The following SEL1L3 variants were observed in gnomAD, a reference collection of about 807,000 sequenced individuals.
The protein encoded by SEL1L3 is protein sel-1 homolog 3.
Under a neutral mutation model 142.8 loss-of-function variants are expected in SEL1L3, and 76 were observed. That is an observed-to-expected ratio of 0.53 (90% CI 0.44 to 0.64). The LOEUF (loss-of-function observed/expected upper bound fraction) is 0.64. SEL1L3 is among the 30% of genes least tolerant of loss of function. The pLI is 0.00. For synonymous variants in SEL1L3, 504 were observed against 519.6 expected, an observed-to-expected ratio of 0.97 and a Z score of 0.41; for missense variants, 1,262 against 1,381.7, an observed-to-expected ratio of 0.91 and a Z score of 1.37.
the SEL1L3 span, among the ~76,000 whole-genome samples, chr4:25,715,805 G>GA: frequency 3.3e-5 from 5 of 150,746 alleles, no homozygotes; most frequent in African/African-American, 4.9e-5. Flanking sequence ...AGTAAAGGAA[G>GA]AAAAAAAAAC....
chr4:25,813,958 T>C (rs1714199664), intron 9 of SEL1L3, among the ~76,000 whole-genome samples: 5 of 152,178 alleles, frequency 3.3e-5, no homozygotes, highest in Admixed American at 3.3e-4. Context: ...AGTGTGTTGT[T>C]GGCTGAGATA....
rs144823534 is a variant in SEL1L3, at chr4:25,786,277, G to A, written c.2217+1947C>T. ...TGCATATGGAAAGCCCATTTTCAGC[G>A]TGGGGTTCTTTCACACAGAATACAC... On this transcript the variant is annotated intron_variant, in intron 13 of 23. Transcript: ENST00000399878. 3.3e-5 allele frequency among the ~76,000 whole-genome samples: 5 copies of A among 152,246 alleles called. No individual in the cohort carries two copies. The East Asian group carries it at 5.8e-4, about 18-fold the overall frequency.
At chr4:25,789,862 C>G (rs961048294) in intron 12 of SEL1L3, among the ~76,000 whole-genome samples, 10 of 152,156 alleles carry the variant, frequency 6.6e-5, no homozygotes, top group Non-Finnish European at 1.0e-4. Context: ...GGGTGCTTCC[C>G]CAGCCGTCTG....
Position 25,862,708 on chromosome 4 carries a change from G to A in SEL1L3, c.129C>T (p.Arg43=). 5.4e-6 allele frequency: 7 copies of A among 1,300,370 alleles called. No individual in the cohort carries two copies. The highest frequency in any genetic ancestry group is 5.9e-6 in the Non-Finnish European group (6 of 1,021,704). 80.6% of individuals were successfully genotyped at this position (1,300,370 alleles called of 1,614,324 possible). A position where few individuals can be genotyped will look rare whatever the true frequency, so the allele number is the denominator to read the frequency against. The change falls in exon 1 of 24, where the codon CGC becomes CGT. Residue 43 remains arginine, a synonymous_variant. Transcript: ENST00000399878. ...SGGVPQGLGG[R]SACALLLLCY... is the part of the protein sequence containing the mutation. ...AGAGCAGGAGCAGCGCGCAGGCAGA[G>A]CGGCCGCCGAGGCCCTGGGGGACGC...
chr4:25,789,669 T>A (rs902337291), intron 12 of SEL1L3, among the ~76,000 whole-genome samples: 1 of 151,362 alleles, frequency 6.6e-6, no homozygotes, highest in Non-Finnish European at 1.5e-5. Flanking sequence ...CTTTCCCATC[T>A]CTGGGCTTCA....
At chr4:25,831,442 A>G (rs922394847) in intron 5 of SEL1L3, among the ~76,000 whole-genome samples, 6 of 151,000 alleles carry the variant, frequency 4.0e-5, no homozygotes, top group South Asian at 4.2e-4. Flanking sequence ...ATAAAATGCT[A>G]TCTCCCTTCT....
In SEL1L3 at chr4:25,822,126, A is replaced by C; in HGVS notation, c.1160T>G (p.Phe387Cys). The C allele has an allele frequency of 6.2e-7, 1 of 1,613,940 alleles. No homozygotes were observed. Among genetic ancestry groups the C allele is most frequent in the Non-Finnish European group, 8.5e-7 (1 of 1,179,854 alleles). Residue 387 changes from phenylalanine (F) to cysteine (C), a missense_variant and splice_region_variant, in exon 7 of 24, where the codon TTC (phenylalanine) becomes TGC (cysteine). Transcript: ENST00000399878. Reference protein sequence around the residue: ...LKSYHNQTISFREDFHYNDTA... With the variant: ...LKSYHNQTISCREDFHYNDTA... ...GTCATTATAATGGAAATCCTCCCGG[A>C]AGCTAGAGAAGAGAATGAAGGATTA... is the stretch of plus-strand genomic sequence containing the variant.
Position 25,813,845 on chromosome 4 carries a change from G to A in SEL1L3, c.1564+4293C>T, listed in dbSNP as rs559458616. 1.6e-4 allele frequency among the ~76,000 whole-genome samples: 24 copies of A among 152,284 alleles called. 1 individual carries two copies. The Middle Eastern group carries it at 0.017, about 108-fold the overall frequency. On this transcript the variant is annotated intron_variant, in intron 9 of 23. Transcript: ENST00000399878. ...CAACTCAAAGGTGCTGACCTCACTGGACGGGAATGTGGAGGACACTCTTTT... is the reference window on the plus strand; with the variant it reads ...CAACTCAAAGGTGCTGACCTCACTGAACGGGAATGTGGAGGACACTCTTTT...
the SEL1L3 span, among the ~76,000 whole-genome samples, chr4:25,715,843 A>G: frequency 6.6e-6 from 1 of 152,116 alleles, no homozygotes. Context: ...GTACACTAAT[A>G]TTTGGATTAA....
intron 1 of SEL1L3, among the ~76,000 whole-genome samples, chr4:25,857,215 T>C (rs1467634720): frequency 6.6e-6 from 1 of 152,196 alleles, no homozygotes; most frequent in Non-Finnish European, 1.5e-5. Context: ...AAATGGATGA[T>C]GATGTCAATA....
At chr4:25,719,516 A>G in the SEL1L3 span, 1 of 152,010 alleles carries the variant, frequency 6.6e-6, no homozygotes, top group Non-Finnish European at 1.5e-5. Flanking sequence ...GGCTTGCTAG[A>G]ATTTTAAGAG....
At chr4:25,716,970 T>C in the SEL1L3 span, among the ~76,000 whole-genome samples, 1 of 151,618 alleles carries the variant, frequency 6.6e-6, no homozygotes, top group South Asian at 2.1e-4. Context: ...CTATTAAAAA[T>C]AGAAAAATTA....
the SEL1L3 span, among the ~76,000 whole-genome samples, chr4:25,741,830 TA>T: frequency 1.3e-5 from 2 of 150,350 alleles, no homozygotes; most frequent in African/African-American, 4.9e-5. Context: ...TTATTATATA[TA>T]TTTTTTTTGA....
At chr4:25,831,708 A>G (rs1337391309) in intron 5 of SEL1L3, among the ~76,000 whole-genome samples, 1 of 151,840 alleles carries the variant, frequency 6.6e-6, no homozygotes, top group African/African-American at 2.4e-5. Context: ...TATTTTTACC[A>G]GAGACGGGGT....
chr4:25,774,198 C>T (rs1053965590), intron 17 of SEL1L3, among the ~76,000 whole-genome samples: 6 of 152,118 alleles, frequency 3.9e-5, no homozygotes, highest in Non-Finnish European at 7.4e-5. Flanking sequence ...AAAAAGCCAG[C>T]GCAAGGGCTC....
At chr4:25,766,290 A>G (rs1488341675) in intron 19 of SEL1L3, among the ~76,000 whole-genome samples, 2 of 152,106 alleles carry the variant, frequency 1.3e-5, no homozygotes, top group African/African-American at 4.8e-5. Context: ...AAATACAGAA[A>G]TTAGCCAGGA....
At chr4:25,812,100 T>C (rs996183916) in intron 9 of SEL1L3, among the ~76,000 whole-genome samples, 1 of 152,222 alleles carries the variant, frequency 6.6e-6, no homozygotes, top group African/African-American at 2.4e-5. Flanking sequence ...AGACAGTGCC[T>C]GCAACAGTGC....
In SEL1L3 at chr4:25,847,649, G is replaced by A. The variant is rs200467510; in HGVS notation, c.378C>T (p.Pro126=). 93 of 1,613,704 alleles carry A rather than the reference G, an allele frequency of 5.8e-5. No individual in the cohort carries two copies. The highest frequency in any genetic ancestry group is 1.2e-4 in the Admixed American group (7 of 59,990). Residue 126 remains proline (P), a synonymous_variant, in exon 2 of 24, where the codon CCC becomes CCT. Coordinates refer to ENST00000399878, the MANE Select transcript of SEL1L3 (RefSeq NM_015187.5). ...CATTCTTCCACCTTTTTTTGTACAC[G>A]GGAATGCTACTTCTGAACTCAGATG... ...VVSSEFRSSI[P]VYKKRWKNEK... is the part of the protein sequence containing the mutation.
At chr4:25,827,820 C>T (rs1236429487) in intron 6 of SEL1L3, among the ~76,000 whole-genome samples, 1 of 150,500 alleles carries the variant, frequency 6.6e-6, no homozygotes, top group Non-Finnish European at 1.5e-5. Context: ...TGTCCTGGAG[C>T]TGGACGTGGG....
Sources: allele counts gnomAD v4.1 joint callset (sites outside exome capture counted in the v4.1 genomes callset), GRCh38; gene constraint gnomAD v4.1.1; transcripts MANE v1.5; gene names NCBI Gene and HGNC (gene_info 2026-07-23, HGNC 2026-07-21).